The following LUZP2 variants were observed in gnomAD, a reference collection of about 807,000 sequenced individuals.
The protein encoded by LUZP2 is leucine zipper protein 2.
A neutral mutation model predicts 51.6 loss-of-function variants in LUZP2; 52 were observed. That is an observed-to-expected ratio of 1.01 (90% CI 0.81 to 1.27). LUZP2 has a LOEUF of 1.27. LUZP2 is among the 50% of genes most tolerant of loss of function. The probability of loss-of-function intolerance (pLI) is 0.00; values close to 1 mark genes in which losing one functional copy is unlikely to be tolerated. For missense variants in LUZP2, 436 were observed against 395.4 expected (o/e 1.10, Z -0.87); for synonymous variants, 154 against 137.3 (o/e 1.12, Z -0.85).
At chr11:24,826,175 C>CAAAAAAAA (rs10625331) in intron 5 of LUZP2, among the ~76,000 whole-genome samples, 1 of 60,108 alleles carries the variant, frequency 1.7e-5, no homozygotes, top group African/African-American at 5.3e-5. Flanking sequence ...GACTCCATCT[C>CAAAAAAAA]AAAAAAAAAA....
chr11:24,614,606 C>T (rs780000648), intron 1 of LUZP2, among the ~76,000 whole-genome samples: 16 of 151,894 alleles, frequency 1.1e-4, no homozygotes, highest in Admixed American at 3.3e-4. Context: ...CCACAGTGAC[C>T]TTTCTATGTT....
At chr11:24,586,142 T>G (rs913693975) in intron 1 of LUZP2, among the ~76,000 whole-genome samples, 2 of 152,114 alleles carry the variant, frequency 1.3e-5, no homozygotes, top group Non-Finnish European at 2.9e-5. Flanking sequence ...AGGCAAAGTT[T>G]TAAAGCAGTT....
At chr11:24,630,305 T>C (rs1431350698) in intron 1 of LUZP2, among the ~76,000 whole-genome samples, 1 of 152,044 alleles carries the variant, frequency 6.6e-6, no homozygotes, top group Non-Finnish European at 1.5e-5. Context: ...GTTTTCTTCT[T>C]GGACTTTTAT....
At chr11:24,741,974 ATTTATATATT>A (rs1182770063) in intron 4 of LUZP2, among the ~76,000 whole-genome samples, 15 of 74,164 alleles carry the variant, frequency 2.0e-4, no homozygotes, top group African/African-American at 5.4e-4. Flanking sequence ...AAATATATAC[ATTTATATATT>A]ATATATAAAT....
At chr11:24,906,578 A>G (rs1236716630) in intron 6 of LUZP2, among the ~76,000 whole-genome samples, 1 of 152,098 alleles carries the variant, frequency 6.6e-6, no homozygotes, top group Non-Finnish European at 1.5e-5. Flanking sequence ...TAAAATAATC[A>G]TTTTTCTATA....
intron 6 of LUZP2, among the ~76,000 whole-genome samples, chr11:24,911,772 T>G (rs1317881084): frequency 6.6e-6 from 1 of 152,196 alleles, no homozygotes; most frequent in Admixed American, 6.5e-5. Context: ...TTGAGTCACT[T>G]GGGAAGCTGT....
At chr11:24,823,990 G>C (rs1250375707) in intron 5 of LUZP2, among the ~76,000 whole-genome samples, 1 of 151,888 alleles carries the variant, frequency 6.6e-6, no homozygotes, top group East Asian at 1.9e-4. Context: ...GTGAACCCAG[G>C]AGGCAGAGGT....
intron 1 of LUZP2, among the ~76,000 whole-genome samples, chr11:24,703,367 A>G (rs551266442): frequency 1.1e-4 from 16 of 152,334 alleles, no homozygotes; most frequent in South Asian, 4.1e-4. Context: ...TCAGAGACGT[A>G]GCAGTTTAAT....
intron 1 of LUZP2, among the ~76,000 whole-genome samples, chr11:24,570,540 T>C (rs1852399740): frequency 1.3e-5 from 2 of 152,080 alleles, no homozygotes; most frequent in South Asian, 2.1e-4. Flanking sequence ...GGGAAATTTA[T>C]TGAAGACTAA....
chr11:24,706,708 C>T lies in LUZP2; in HGVS notation c.63-22461C>T, dbSNP rs144216682. Among the ~76,000 whole-genome samples the T allele has an allele frequency of 2.7e-3, 408 of 152,202 alleles. 2 individuals carry two copies. Among genetic ancestry groups the T allele is most frequent in the African/African-American group, 9.3e-3 (386 of 41,552 alleles). ...TTTAGGAGCCAGCCTTATTTTTGAACGTTTCAGTCTTAATCTACTGGTAGA... is the reference window on the plus strand; with the variant it reads ...TTTAGGAGCCAGCCTTATTTTTGAATGTTTCAGTCTTAATCTACTGGTAGA... On this transcript the variant is annotated intron_variant, in intron 1 of 11. Transcript: ENST00000336930.
chr11:24,779,984 C>T (rs368604991), intron 5 of LUZP2, among the ~76,000 whole-genome samples: 5 of 152,044 alleles, frequency 3.3e-5, no homozygotes, highest in East Asian at 1.9e-4. Flanking sequence ...CATATTCTCC[C>T]GTAGGGCCTC....
chr11:25,060,399 C>A (rs139960144), intron 10 of LUZP2, among the ~76,000 whole-genome samples: 1 of 152,152 alleles, frequency 6.6e-6, no homozygotes, highest in Admixed American at 6.5e-5. Flanking sequence ...TCATGAGGCT[C>A]TACCCTCATG....
chr11:24,917,773 T>C (rs551630107), intron 7 of LUZP2, among the ~76,000 whole-genome samples: 255 of 152,190 alleles, frequency 1.7e-3, no homozygotes, highest in African/African-American at 5.8e-3. Context: ...TAGCATGATG[T>C]CTCCAGCTTT....
intron 1 of LUZP2, among the ~76,000 whole-genome samples, chr11:24,535,963 G>A (rs1297767548): frequency 6.6e-6 from 1 of 151,630 alleles, no homozygotes; most frequent in African/African-American, 2.4e-5. Flanking sequence ...TGGGCTATAG[G>A]ATGAACGTTG....
intron 5 of LUZP2, among the ~76,000 whole-genome samples, chr11:24,788,633 AAT>A (rs376884390): frequency 7.2e-4 from 110 of 152,294 alleles, no homozygotes; most frequent in Middle Eastern, 3.4e-3. Flanking sequence ...TATTCATATA[AAT>A]ATGTTATAAT....
chr11:24,630,541 A>G (rs1329488034), intron 1 of LUZP2, among the ~76,000 whole-genome samples: 2 of 151,900 alleles, frequency 1.3e-5, no homozygotes, highest in Non-Finnish European at 2.9e-5. Flanking sequence ...CTGTTTTATT[A>G]ATCTATGTGT....
chr11:24,646,930 A>T (rs1277021168), intron 1 of LUZP2, among the ~76,000 whole-genome samples: 2 of 152,002 alleles, frequency 1.3e-5, no homozygotes, highest in Admixed American at 6.6e-5. Flanking sequence ...TATTGTTTTA[A>T]TATTGAATTA....
intron 5 of LUZP2, among the ~76,000 whole-genome samples, chr11:24,822,707 A>G (rs2134160986): frequency 6.6e-6 from 1 of 152,296 alleles, no homozygotes; most frequent in Admixed American, 6.5e-5. Context: ...TTGGATTTCC[A>G]TCTAGGGTAG....
chr11:24,926,862 G>C (rs1170750080), intron 7 of LUZP2, among the ~76,000 whole-genome samples: 3 of 151,472 alleles, frequency 2.0e-5, no homozygotes, highest in Admixed American at 2.0e-4. Context: ...CACCAGCAGT[G>C]TAAAAAGTGT....
Sources: allele counts gnomAD v4.1 joint callset (sites outside exome capture counted in the v4.1 genomes callset), GRCh38; gene constraint gnomAD v4.1.1; transcripts MANE v1.5; gene names NCBI Gene and HGNC (gene_info 2026-07-23, HGNC 2026-07-21).